Variants in AGBL1 observed in about 807,000 individuals in gnomAD.
AGBL1 encodes the protein AGBL carboxypeptidase 1.
AGBL1 carries 130 observed loss-of-function variants against 118.9 expected under a neutral mutation model. The ratio of observed to expected loss-of-function variants is 1.09; its 90% CI spans 0.95 to 1.26. The LOEUF (loss-of-function observed/expected upper bound fraction) is 1.26. Ranked by LOEUF, AGBL1 falls within the 50% of genes most tolerant of loss-of-function variation. The pLI, the probability that AGBL1 is intolerant of heterozygous loss-of-function variation, is 0.00. For missense variants in AGBL1, 1,584 were observed against 1,298.1 expected (o/e 1.22, Z -3.38); for synonymous variants, 555 against 478.9 (o/e 1.16, Z -2.08).
At position 86,457,128 on chromosome 15, in the gene AGBL1, TA is replaced by T. The variant is rs200359472; in HGVS notation, c.2555+59590del. Among the ~76,000 whole-genome samples the T allele has an allele frequency of 5.3e-4, 81 of 151,828 alleles. 1 individual carries two copies. The highest frequency in any genetic ancestry group is 3.4e-3 in the Middle Eastern group (1 of 294). ...AGAATGCACTTCAAATACGCATTCT[TA>T]AAAAAAAGCTGTTCAAAGGGACAGA... On this transcript the variant is annotated intron_variant, in intron 18 of 22. Coordinates refer to ENST00000614907, the MANE Select transcript of AGBL1 (RefSeq NM_001386094.1).
intron 17 of AGBL1, among the ~76,000 whole-genome samples, chr15:86,306,331 G>A (rs1163883259): frequency 6.6e-6 from 1 of 151,974 alleles, no homozygotes; most frequent in Non-Finnish European, 1.5e-5. Context: ...CCAAGCCTCT[G>A]GTAACCATCC....
intron 22 of AGBL1, among the ~76,000 whole-genome samples, chr15:86,724,251 AAAAG>A (rs1377866201): frequency 2.6e-5 from 4 of 151,514 alleles, no homozygotes; most frequent in African/African-American, 9.7e-5. Context: ...AAAAAAAAAA[AAAAG>A]AAGGTGTTGA....
chr15:86,089,551 G>A (rs867673747), intron 1 of AGBL1, among the ~76,000 whole-genome samples: 2 of 152,186 alleles, frequency 1.3e-5, no homozygotes, highest in Non-Finnish European at 2.9e-5. Context: ...CACAGACACA[G>A]CATCTGAGGA....
intron 19 of AGBL1, among the ~76,000 whole-genome samples, chr15:86,529,422 G>C (rs775661379): frequency 1.5e-5 from 2 of 132,088 alleles, no homozygotes; most frequent in Admixed American, 1.4e-4. Context: ...AGAATAAAAA[G>C]AAATGAGCAA....
chr15:86,542,454 C>T (rs1198208679), intron 19 of AGBL1, among the ~76,000 whole-genome samples: 2 of 150,558 alleles, frequency 1.3e-5, no homozygotes, highest in Non-Finnish European at 2.9e-5. Context: ...GCAACCTCCA[C>T]CTCCCAGGTT....
At chr15:86,652,132 C>A (rs556818306) in intron 21 of AGBL1, among the ~76,000 whole-genome samples, 2 of 152,208 alleles carry the variant, frequency 1.3e-5, no homozygotes, top group African/African-American at 4.8e-5. Context: ...AGTCTGACAC[C>A]TGTGCTTCTA....
At chr15:86,116,443 G>A (rs1210210108) in intron 1 of AGBL1, 1 of 152,212 alleles carries the variant, frequency 6.6e-6, no homozygotes, top group Non-Finnish European at 1.5e-5. Flanking sequence ...ATTATTTCTG[G>A]CAGGGTGTTT....
intron 1 of AGBL1, among the ~76,000 whole-genome samples, chr15:86,133,640 C>T (rs4506862): frequency 0.16 from 23,843 of 152,152 alleles, 2,179 homozygotes; most frequent in East Asian, 0.32. Context: ...TCTATCTTTA[C>T]CTTGTTCTAG....
At chr15:86,710,471 A>T (rs1309383548) in intron 22 of AGBL1, among the ~76,000 whole-genome samples, 1 of 152,198 alleles carries the variant, frequency 6.6e-6, no homozygotes, top group Non-Finnish European at 1.5e-5. Context: ...GCTGATACTT[A>T]AGGCTCTGCT....
chr15:86,887,098 G>C (rs182642317), intron 22 of AGBL1, among the ~76,000 whole-genome samples: 2 of 152,246 alleles, frequency 1.3e-5, no homozygotes, highest in Admixed American at 1.3e-4. Context: ...CAATTAGACT[G>C]TTTATGTAAG....
chr15:86,301,641 G>GGGGTGT (rs1190661198), intron 17 of AGBL1, among the ~76,000 whole-genome samples: 2 of 137,242 alleles, frequency 1.5e-5, no homozygotes, highest in Non-Finnish European at 3.1e-5. Flanking sequence ...TAATCTACAG[G>GGGGTGT]GTGTGTGTGT....
Position 86,785,272 on chromosome 15 carries a change from T to G in AGBL1, c.3158+110836T>G, listed in dbSNP as rs16977983. Among the ~76,000 whole-genome samples the G allele has an allele frequency of 3.5e-3, 534 of 151,664 alleles. 4 individuals are homozygous for G. Among genetic ancestry groups the G allele is most frequent in the African/African-American group, 0.012 (512 of 41,334 alleles). On this transcript the variant is annotated intron_variant, in intron 22 of 22. Coordinates refer to ENST00000614907, the MANE Select transcript of AGBL1 (RefSeq NM_001386094.1). ...CAAGGGGAAGCATGGTCAAGGTCAG[T>G]GTTTGGAAAATCTGGCTGACCGTCG...
intron 22 of AGBL1, among the ~76,000 whole-genome samples, chr15:86,745,355 A>C (rs946424952): frequency 1.3e-5 from 2 of 152,060 alleles, no homozygotes; most frequent in Non-Finnish European, 2.9e-5. Flanking sequence ...GAATTACACA[A>C]GTATAGAAAA....
chr15:86,729,525 A>C (rs2077500754), intron 22 of AGBL1, among the ~76,000 whole-genome samples: 1 of 152,164 alleles, frequency 6.6e-6, no homozygotes, highest in Admixed American at 6.5e-5. Context: ...GAGAACATGC[A>C]GTATTTTGTT....
intron 22 of AGBL1, among the ~76,000 whole-genome samples, chr15:86,816,232 T>C (rs12439345): frequency 0.2 from 31,008 of 152,176 alleles, 3,307 homozygotes; most frequent in East Asian, 0.27. Context: ...CGAGGTCTTA[T>C]TCACAAAGGT....
intron 18 of AGBL1, among the ~76,000 whole-genome samples, chr15:86,436,808 T>C (rs2082005665): frequency 6.6e-6 from 1 of 152,204 alleles, no homozygotes; most frequent in African/African-American, 2.4e-5. Context: ...GATGTATAAA[T>C]ACTTTTTTTA....
intron 17 of AGBL1, among the ~76,000 whole-genome samples, chr15:86,394,644 C>T (rs2081336549): frequency 6.6e-6 from 1 of 152,124 alleles, no homozygotes; most frequent in Non-Finnish European, 1.5e-5. Flanking sequence ...GCCAAGAACC[C>T]TGGCTCCCTC....
At chr15:86,830,250 A>G (rs2079085327) in intron 22 of AGBL1, among the ~76,000 whole-genome samples, 1 of 152,180 alleles carries the variant, frequency 6.6e-6, no homozygotes, top group African/African-American at 2.4e-5. Context: ...TAAGATGCTG[A>G]ATATTTTTAG....
chr15:86,246,979 T>A (rs567339570), intron 6 of AGBL1, among the ~76,000 whole-genome samples: 27 of 152,310 alleles, frequency 1.8e-4, no homozygotes, highest in African/African-American at 6.3e-4. Flanking sequence ...CCTCCCACAC[T>A]ATTATTATTA....
Sources: allele counts gnomAD v4.1 joint callset (sites outside exome capture counted in the v4.1 genomes callset), GRCh38; gene constraint gnomAD v4.1.1; transcripts MANE v1.5; gene names NCBI Gene and HGNC (gene_info 2026-07-23, HGNC 2026-07-21).